The following TGM5 variants were observed in gnomAD, a reference collection of about 807,000 sequenced individuals.
TGM5 encodes protein-glutamine gamma-glutamyltransferase 5.
A neutral mutation model predicts 77.2 loss-of-function variants in TGM5; 69 were observed. The ratio of observed to expected loss-of-function variants is 0.89; its 90% CI spans 0.74 to 1.09. The LOEUF (loss-of-function observed/expected upper bound fraction) is 1.09, where lower values mean the gene tolerates loss of function less well. TGM5 is among the 50% of genes least tolerant of loss of function. The probability of loss-of-function intolerance (pLI) is 0.00; values close to 1 mark genes in which losing one functional copy is unlikely to be tolerated. For missense variants in TGM5, 842 were observed against 896.5 expected, an observed-to-expected ratio of 0.94 and a Z score of 0.78; for synonymous variants, 346 against 351.8, an observed-to-expected ratio of 0.98 and a Z score of 0.18.
chr15:43,252,711 G>A, intron 6 of TGM5, 48 bp downstream of exon 6: 3 of 1,603,734 alleles, frequency 1.9e-6, no homozygotes, highest in East Asian at 2.2e-5. Context: ...GCTCATACAT[G>A]AGCGGCTATA....
chr15:43,261,344 C>G (rs2042789606), intron 1 of TGM5, among the ~76,000 whole-genome samples: 1 of 152,064 alleles, frequency 6.6e-6, no homozygotes, highest in South Asian at 2.1e-4. Flanking sequence ...CTGCCTCGGC[C>G]TCCCAAAGTG....
rs537295896 is a variant in TGM5 at position 43,246,587 on chromosome 15, G to T, written c.863-5597C>A. ...AGCATCCAGGCCACAACACAGGCTCGGGAAGCCCAGAAAGAACTCAGCAGT... is the reference window on the plus strand; with the variant it reads ...AGCATCCAGGCCACAACACAGGCTCTGGAAGCCCAGAAAGAACTCAGCAGT... On this transcript the variant is annotated intron_variant, in intron 6 of 12. Transcript: ENST00000220420. 2.6e-5 allele frequency among the ~76,000 whole-genome samples: 4 copies of T among 152,252 alleles called. No homozygotes were observed. The South Asian group carries it at 6.2e-4, about 24-fold the overall frequency.
chr15:43,261,022 G>C (rs2042781969), intron 1 of TGM5, among the ~76,000 whole-genome samples: 1 of 142,670 alleles, frequency 7.0e-6, no homozygotes, highest in African/African-American at 2.6e-5. Flanking sequence ...CCCTGGTTTA[G>C]TTGCCCTGGG....
intron 6 of TGM5, among the ~76,000 whole-genome samples, chr15:43,252,031 G>A (rs912435436): frequency 6.6e-6 from 1 of 152,174 alleles, no homozygotes; most frequent in Admixed American, 6.5e-5. Context: ...CCACAGCCCT[G>A]ACTCACGTTT....
At chr15:43,236,818 A>G (rs1429731677) in intron 9 of TGM5, among the ~76,000 whole-genome samples, 1 of 152,100 alleles carries the variant, frequency 6.6e-6, no homozygotes, top group East Asian at 1.9e-4. Context: ...AATACAAAAA[A>G]TTTAGCCAGG....
intron 4 of TGM5, 126 bp downstream of exon 4, chr15:43,256,442 C>G: frequency 1.2e-6 from 1 of 819,034 alleles, no homozygotes; most frequent in Non-Finnish European, 2.2e-6. Context: ...GGGCTCACAA[C>G]ACACATCTTC....
intron 1 of TGM5, among the ~76,000 whole-genome samples, chr15:43,261,706 T>C (rs909270822): frequency 1.3e-5 from 2 of 152,198 alleles, no homozygotes; most frequent in Non-Finnish European, 2.9e-5. Flanking sequence ...CTAACTCTCT[T>C]CATGCCTTCC....
chr15:43,265,862 ATC>A (rs2042820414), intron 1 of TGM5, among the ~76,000 whole-genome samples: 1 of 152,228 alleles, frequency 6.6e-6, no homozygotes, highest in South Asian at 2.1e-4. Context: ...ATTGAGGTAG[ATC>A]TATAGGTACT....
intron 4 of TGM5, 107 bp downstream of exon 4, chr15:43,256,461 A>G (rs1208973398): frequency 7.8e-6 from 7 of 900,840 alleles, no homozygotes; most frequent in African/African-American, 3.3e-5. Context: ...TCCTCGTGCC[A>G]TTTAGTTAGC....
chr15:43,244,177 C>T (rs1270957486), intron 6 of TGM5, among the ~76,000 whole-genome samples: 2 of 152,218 alleles, frequency 1.3e-5, no homozygotes, highest in African/African-American at 4.8e-5. Flanking sequence ...CTGTGTCACA[C>T]ATTTCAGCAC....
intron 6 of TGM5, among the ~76,000 whole-genome samples, chr15:43,246,066 A>AGTCAAAAT (rs1284088869): frequency 2.6e-5 from 4 of 152,162 alleles, no homozygotes; most frequent in Non-Finnish European, 4.4e-5. Flanking sequence ...AAAGACCTCT[A>AGTCAAAAT]GTCAAAATGT....
chr15:43,261,060 C>CTTTTTTTTTTTTT lies in TGM5; in HGVS notation c.11-482_11-481insAAAAAAAAAAAAA, dbSNP rs199676346. Among the ~76,000 whole-genome samples, 24 of 90,586 alleles carry CTTTTTTTTTTTTT rather than the reference C, an allele frequency of 2.6e-4. 1 individual carries two copies. Among genetic ancestry groups the CTTTTTTTTTTTTT allele is most frequent in the African/African-American group, 1.1e-3 (17 of 15,788 alleles). The allele number at this position is 90,586 out of a possible 152,430, so 59.4% of individuals were successfully genotyped here. The stretch of plus-strand genomic sequence containing the variant: ...TAACTCCTTGGGCTAGCTGCTCTTC[C>CTTTTTTTTTTTTT]TTTTTTTGTGTGTGTGTTTTTTTTT... On this transcript the variant is annotated intron_variant, in intron 1 of 12. Coordinates refer to ENST00000220420, the MANE Select transcript of TGM5 (RefSeq NM_201631.4).
chr15:43,266,084 G>A (rs773815275), intron 1 of TGM5, among the ~76,000 whole-genome samples: 9 of 152,342 alleles, frequency 5.9e-5, no homozygotes, highest in African/African-American at 2.2e-4. Context: ...GGCTGCCATT[G>A]GGGATGGCGG....
intron 7 of TGM5, among the ~76,000 whole-genome samples, chr15:43,240,154 A>T (rs2042623998): frequency 6.6e-6 from 1 of 152,142 alleles, no homozygotes; most frequent in Non-Finnish European, 1.5e-5. Context: ...TTGTATAAAA[A>T]CTGGCCATAA....
chr15:43,262,239 CAAGTT>C (rs1246108294), intron 1 of TGM5, among the ~76,000 whole-genome samples: 6 of 152,280 alleles, frequency 3.9e-5, no homozygotes, highest in African/African-American at 1.2e-4. Context: ...GCTTAATTGA[CAAGTT>C]AATTTACATG....
chr15:43,250,038 C>T (rs2042693762), intron 6 of TGM5, among the ~76,000 whole-genome samples: 1 of 152,120 alleles, frequency 6.6e-6, no homozygotes, highest in Non-Finnish European at 1.5e-5. Context: ...TGAAAGCGTC[C>T]AGTGTGTTCC....
rs756763856 is a variant in TGM5 at position 43,233,290 on chromosome 15, G to C, written c.2064C>G (p.Pro688=). The change falls in exon 13 of 13, where the codon CCC becomes CCG. Residue 688 remains proline, a synonymous_variant. Coordinates refer to ENST00000220420, the MANE Select transcript of TGM5 (RefSeq NM_201631.4). ...GGATCTGCCTTTGTCCACTCTTGAA[G>C]GGGACGGTCTCCAGAATGATGCTTG... is the stretch of plus-strand genomic sequence containing the variant. ...HQASIILETV[P]FKSGQRQIQA... is the part of the protein sequence containing the mutation. The C allele has an allele frequency of 6.2e-7, 1 of 1,614,154 alleles. No homozygotes were observed. Among genetic ancestry groups the C allele is most frequent in the Non-Finnish European group, 8.5e-7 (1 of 1,180,042 alleles).
At chr15:43,240,150 A>G (rs1470166902) in intron 7 of TGM5, among the ~76,000 whole-genome samples, 1 of 152,146 alleles carries the variant, frequency 6.6e-6, no homozygotes, top group Non-Finnish European at 1.5e-5. Flanking sequence ...CTTTTTGTAT[A>G]AAAACTGGCC....
intron 7 of TGM5, 76 bp downstream of exon 7, chr15:43,240,776 G>A (rs547523116): frequency 7.9e-5 from 127 of 1,598,220 alleles, no homozygotes; most frequent in Non-Finnish European, 9.6e-5. Context: ...CATGGACCTC[G>A]TTCTGCCCTT....
Sources: allele counts gnomAD v4.1 joint callset (sites outside exome capture counted in the v4.1 genomes callset), GRCh38; gene constraint gnomAD v4.1.1; transcripts MANE v1.5; gene names NCBI Gene and HGNC (gene_info 2026-07-23, HGNC 2026-07-21).